The following VWC2 variants were observed in gnomAD, a reference collection of about 807,000 sequenced individuals.
VWC2 encodes the protein brorin.
VWC2 carries 14 observed loss-of-function variants against 29.8 expected under a neutral mutation model. That is an observed-to-expected ratio of 0.47 (90% confidence interval 0.31 to 0.74). The LOEUF (loss-of-function observed/expected upper bound fraction) is 0.74, where lower values mean the gene tolerates loss of function less well. Ranked by LOEUF, VWC2 falls within the 30% of genes least tolerant of loss-of-function variation. The pLI is 0.05. For synonymous variants in VWC2, 213 were observed against 199.0 expected, an observed-to-expected ratio of 1.07 and a Z score of -0.59; for missense variants, 457 against 459.8, an observed-to-expected ratio of 0.99 and a Z score of 0.05.
At chr7:49,891,993 T>G (rs549686554) in intron 3 of VWC2, among the ~76,000 whole-genome samples, 1 of 148,802 alleles carries the variant, frequency 6.7e-6, no homozygotes, top group African/African-American at 2.5e-5. Context: ...CTATAAATTA[T>G]AACCAAAAGA....
chr7:49,815,162 T>C (rs985452667), intron 3 of VWC2, among the ~76,000 whole-genome samples: 1 of 152,214 alleles, frequency 6.6e-6, no homozygotes, highest in Admixed American at 6.5e-5. Flanking sequence ...TGTATAAAGA[T>C]GAGTCAAGCA....
intron 2 of VWC2, among the ~76,000 whole-genome samples, chr7:49,795,100 T>C (rs1362555640): frequency 6.6e-6 from 1 of 152,216 alleles, no homozygotes; most frequent in Non-Finnish European, 1.5e-5. Context: ...GATAATGTAG[T>C]AAGCCTATGC....
chr7:49,812,171 G>T (rs183236154), intron 3 of VWC2, among the ~76,000 whole-genome samples: 1 of 152,222 alleles, frequency 6.6e-6, no homozygotes, highest in East Asian at 1.9e-4. Flanking sequence ...GAGATTAGTC[G>T]CAAATCATCA....
rs773367359 is a variant in VWC2 at position 49,912,224 on chromosome 7, AT to A, written c.*43del. 34 of 1,610,220 alleles carry A rather than the reference AT, an allele frequency of 2.1e-5. No individual in the cohort carries two copies. The highest frequency in any genetic ancestry group is 1.2e-5 in the Non-Finnish European group (14 of 1,177,550). ...CACAAACTCTGACTTTTTCTAGAAC[AT>A]TTTACTGATGTGAACATTCTAGATG... On this transcript the variant is annotated 3_prime_UTR_variant, in exon 4 of 4. Coordinates refer to ENST00000340652, the MANE Select transcript of VWC2 (RefSeq NM_198570.5).
At chr7:49,865,933 T>C (rs570722939) in intron 3 of VWC2, among the ~76,000 whole-genome samples, 1 of 152,382 alleles carries the variant, frequency 6.6e-6, no homozygotes, top group South Asian at 2.1e-4. Flanking sequence ...ATTTGTCCAG[T>C]TGAGAAAGTC....
In VWC2 at chr7:49,918,171, C is replaced by T. The variant is rs1793824098; in HGVS notation, c.*5986C>T. ...CTCCCAAATTGTGGGTAATGCTATCCCCTTTGTTGCAGAAAAGTAAATATA... is the reference window on the plus strand; with the variant it reads ...CTCCCAAATTGTGGGTAATGCTATCTCCTTTGTTGCAGAAAAGTAAATATA... On this transcript the variant is annotated 3_prime_UTR_variant, in exon 4 of 4. Transcript: ENST00000340652. The T allele has an allele frequency of 6.6e-6, 1 of 152,134 alleles. No homozygotes were observed. Among genetic ancestry groups the T allele is most frequent in the Non-Finnish European group, 1.5e-5 (1 of 68,020 alleles). The allele number at this position is 152,134 out of a possible 1,614,324, so 9.4% of individuals were successfully genotyped here.
At chr7:49,824,629 G>A (rs1789350300) in intron 3 of VWC2, among the ~76,000 whole-genome samples, 1 of 152,100 alleles carries the variant, frequency 6.6e-6, no homozygotes, top group Non-Finnish European at 1.5e-5. Flanking sequence ...TTAATTTACA[G>A]ATTAATTTTG....
At chr7:49,866,873 G>A (rs1790914048) in intron 3 of VWC2, among the ~76,000 whole-genome samples, 1 of 152,190 alleles carries the variant, frequency 6.6e-6, no homozygotes, top group Admixed American at 6.5e-5. Context: ...GCCTGAGGCG[G>A]GAACATGCCT....
chr7:49,797,208 G>C (rs1788612642), intron 2 of VWC2, among the ~76,000 whole-genome samples: 1 of 152,084 alleles, frequency 6.6e-6, no homozygotes, highest in Non-Finnish European at 1.5e-5. Context: ...ACTCTGAGTA[G>C]TTGTAGTTGA....
intron 2 of VWC2, among the ~76,000 whole-genome samples, chr7:49,789,320 G>T (rs1449693893): frequency 6.8e-6 from 1 of 146,036 alleles, no homozygotes; most frequent in Non-Finnish European, 1.5e-5. Context: ...TGTGGGTGTA[G>T]GTGTGTGTGG....
Position 49,912,103 on chromosome 7 carries a change from T to C in VWC2, c.896T>C (p.Ile299Thr), listed in dbSNP as rs748704464. 2 of 1,614,162 alleles carry C rather than the reference T, an allele frequency of 1.2e-6. No homozygotes were observed. The highest frequency in any genetic ancestry group is 1.7e-5 in the Admixed American group (1 of 60,008). The change falls in exon 4 of 4, where the codon ATA becomes ACA. Residue 299 changes from isoleucine (I) to threonine (T), a missense_variant. Coordinates refer to ENST00000340652, the MANE Select transcript of VWC2 (RefSeq NM_198570.5). ...GREVKTDECT[I>T]CHCTYEEGTW... ...GAAGTGAAGACTGACGAGTGCACCATATGCCACTGTACTTATGAGGAAGGC... is the reference window on the plus strand; with the variant it reads ...GAAGTGAAGACTGACGAGTGCACCACATGCCACTGTACTTATGAGGAAGGC...
intron 3 of VWC2, among the ~76,000 whole-genome samples, chr7:49,847,289 C>T (rs917516829): frequency 4.6e-5 from 7 of 151,272 alleles, no homozygotes; most frequent in Non-Finnish European, 7.4e-5. Context: ...GTATCATTTG[C>T]GACTATTGAC....
chr7:49,848,324 C>G (rs555640376), intron 3 of VWC2, among the ~76,000 whole-genome samples: 3 of 152,332 alleles, frequency 2.0e-5, no homozygotes, highest in Non-Finnish European at 2.9e-5. Context: ...AGGATCTTCT[C>G]TCTCCTGTGG....
chr7:49,904,331 T>C lies in VWC2; in HGVS notation c.827-7703T>C, dbSNP rs545456805. Among the ~76,000 whole-genome samples the C allele has an allele frequency of 4.6e-5, 7 of 152,344 alleles. No individual in the cohort carries two copies. In the South Asian group the frequency reaches 1.2e-3, roughly 27 times the overall value. ...TATTATTCTATAATCATGTAAGCTG[T>C]AACTTTGGGAAAAAAACTGAGTGAA... is the stretch of plus-strand genomic sequence containing the variant. On this transcript the variant is annotated intron_variant, in intron 3 of 3. Transcript: ENST00000340652.
chr7:49,911,925 A>G (rs867333566), intron 3 of VWC2, 109 bp from the exon 4 acceptor site: 60 of 590,024 alleles, frequency 1.0e-4, no homozygotes, highest in African/African-American at 4.0e-4. Context: ...AAATACACGC[A>G]CACACACACA....
At chr7:49,905,829 G>A (rs1477871547) in intron 3 of VWC2, among the ~76,000 whole-genome samples, 1 of 152,198 alleles carries the variant, frequency 6.6e-6, no homozygotes, top group Non-Finnish European at 1.5e-5. Context: ...ACAGGCTGCA[G>A]TAAAGAAGCC....
intron 3 of VWC2, among the ~76,000 whole-genome samples, chr7:49,819,538 G>A (rs1789219897): frequency 6.6e-6 from 1 of 152,144 alleles, no homozygotes; most frequent in African/African-American, 2.4e-5. Flanking sequence ...AAATAACATA[G>A]GTTTGTAGTG....
intron 3 of VWC2, among the ~76,000 whole-genome samples, chr7:49,803,325 G>C (rs113813396): frequency 6.6e-6 from 1 of 152,218 alleles, no homozygotes; most frequent in African/African-American, 2.4e-5. Flanking sequence ...TTATGAAAAT[G>C]AAGTGGCAGG....
intron 2 of VWC2, among the ~76,000 whole-genome samples, chr7:49,787,633 A>G (rs985465073): frequency 2.0e-5 from 3 of 152,044 alleles, no homozygotes; most frequent in Admixed American, 2.0e-4. Context: ...GAGCGCCTCT[A>G]CCTCCACTCG....
Sources: gnomAD v4.1 joint callset for allele counts (sites outside exome capture counted in the v4.1 genomes callset) on GRCh38, gnomAD v4.1.1 for gene constraint, MANE v1.5 for transcripts, NCBI Gene and HGNC (gene_info 2026-07-23, HGNC 2026-07-21) for gene names.